The following GDA variants were observed in gnomAD, a reference collection of about 807,000 sequenced individuals.
GDA encodes the protein cytoplasmic PSD-95 interactor.
Under a neutral mutation model 59.6 loss-of-function variants are expected in GDA, and 18 were observed. That is an observed-to-expected ratio of 0.30 (90% CI 0.21 to 0.45). The LOEUF (loss-of-function observed/expected upper bound fraction) is 0.45, where lower values mean the gene tolerates loss of function less well. Ranked by LOEUF, GDA falls within the 20% of genes least tolerant of loss-of-function variation. The pLI, the probability that GDA is intolerant of heterozygous loss-of-function variation, is 1.00. For missense variants in GDA, 427 were observed against 552.3 expected (o/e 0.77, Z 2.27); for synonymous variants, 201 against 201.1 (o/e 1.00, Z 0.00).
intron 1 of GDA, among the ~76,000 whole-genome samples, chr9:72,140,106 A>C (rs1406650875): frequency 6.6e-6 from 1 of 152,190 alleles, no homozygotes; most frequent in Non-Finnish European, 1.5e-5. Flanking sequence ...CAGATGGGGC[A>C]TGAGACCCAG....
chr9:72,225,988 AGTGTGTGT>A lies in GDA; in HGVS notation c.822+224_822+231del, dbSNP rs35524358. 4.7e-5 allele frequency among the ~76,000 whole-genome samples: 7 copies of A among 148,018 alleles called. No individual in the cohort carries two copies. In the East Asian group the frequency reaches 6.0e-4, roughly 13 times the overall value. On this transcript the variant is annotated intron_variant, in intron 8 of 13. Transcript: ENST00000358399. ...CATTTCTTAAATTAGAGTAAAGCCT[AGTGTGTGT>A]GTGTGTGTGTGTGTGTGTGCGTGTG...
intron 1 of GDA, among the ~76,000 whole-genome samples, chr9:72,138,605 C>G (rs892025899): frequency 1.3e-5 from 2 of 152,222 alleles, no homozygotes; most frequent in African/African-American, 2.4e-5. Flanking sequence ...CAGATCTGCT[C>G]CTCACAGAGC....
At chr9:72,219,373 A>C in intron 5 of GDA, 106 bp from the exon 6 acceptor site, 1 of 782,178 alleles carries the variant, frequency 1.3e-6, no homozygotes, top group Non-Finnish European at 2.1e-6. Context: ...ACTTCACTCC[A>C]GCCTGGGCGA....
At chr9:72,145,186 A>G (rs1025301490), upstream of GDA, among the ~76,000 whole-genome samples, 7 of 152,074 alleles carry the variant, frequency 4.6e-5, no homozygotes, top group African/African-American at 1.7e-4. Context: ...TATTCCCTTT[A>G]GTTTTACTGC....
At chr9:72,253,010 A>G (rs1402586448), downstream of GDA, among the ~76,000 whole-genome samples, 2 of 152,216 alleles carry the variant, frequency 1.3e-5, no homozygotes, top group African/African-American at 4.8e-5. Flanking sequence ...TTTTATCAGT[A>G]TATATTTTAG....
intron 1 of GDA, among the ~76,000 whole-genome samples, chr9:72,133,308 A>AAAAAATAAT (rs767205305): frequency 3.0e-5 from 3 of 101,556 alleles, no homozygotes; most frequent in Non-Finnish European, 4.2e-5. Context: ...AAAAAAAAAA[A>AAAAAATAAT]AATAATAATA....
intron 2 of GDA, among the ~76,000 whole-genome samples, chr9:72,199,615 C>T (rs1174233969): frequency 1.3e-5 from 2 of 152,204 alleles, no homozygotes; most frequent in African/African-American, 2.4e-5. Context: ...CTTTTTAGCA[C>T]TTAGTGCAGT....
intron 1 of GDA, among the ~76,000 whole-genome samples, chr9:72,121,605 GA>G (rs1040822142): frequency 5.9e-5 from 9 of 151,914 alleles, no homozygotes; most frequent in Non-Finnish European, 1.3e-4. Context: ...CTCAAAACAA[GA>G]AAAAAAGATT....
intron 4 of GDA, among the ~76,000 whole-genome samples, chr9:72,213,507 A>G (rs1403802290): frequency 6.6e-6 from 1 of 152,038 alleles, no homozygotes; most frequent in Admixed American, 6.6e-5. Context: ...GAAAGCTTAG[A>G]AAAAGTACTG....
chr9:72,117,140 G>A (rs1437688511), intron 1 of GDA, among the ~76,000 whole-genome samples: 2 of 152,080 alleles, frequency 1.3e-5, no homozygotes, highest in African/African-American at 2.4e-5. Context: ...ATTCCATTGT[G>A]TATATGTGCC....
intron 1 of GDA, among the ~76,000 whole-genome samples, chr9:72,179,982 G>T (rs945251776): frequency 7.2e-5 from 11 of 151,824 alleles, no homozygotes; most frequent in South Asian, 2.1e-4. Context: ...CTGGCGGGGG[G>T]GGTTAGGACT....
At chr9:72,219,428 G>A in intron 5 of GDA, 51 bp from the exon 6 acceptor site, 2 of 1,359,508 alleles carry the variant, frequency 1.5e-6, no homozygotes, top group Non-Finnish European at 1.0e-6. Flanking sequence ...ATAAAGAAAA[G>A]AAAAAAAGAA....
chr9:72,149,588 C>T lies in GDA; in HGVS notation c.29C>T (p.Ala10Val). The part of the protein sequence containing the change: MCAAQMPPL[A>V]HIFRGTFVHS... ...TGTGCCGCTCAGATGCCGCCCCTGG[C>T]GCACATCTTCCGAGGGACGTTCGTC... Residue 10 changes from alanine to valine, a missense_variant, in exon 1 of 14, where the codon GCG becomes GTG. Ala to Val is a moderately conservative substitution (Grantham distance 64). Coordinates refer to ENST00000358399, the MANE Select transcript of GDA (RefSeq NM_004293.5). 1.2e-6 allele frequency: 2 copies of T among 1,611,514 alleles called. No individual in the cohort carries two copies. The highest frequency in any genetic ancestry group is 2.2e-5 in the East Asian group (1 of 44,596).
chr9:72,115,594 CAT>C (rs1825409529), intron 1 of GDA, among the ~76,000 whole-genome samples: 1 of 152,160 alleles, frequency 6.6e-6, no homozygotes, highest in Non-Finnish European at 1.5e-5. Context: ...ATCAAAGAAA[CAT>C]AATTCATTTG....
Position 72,218,133 on chromosome 9 carries a change from T to C in GDA, c.579-1346T>C, listed in dbSNP as rs544207754. The stretch of plus-strand genomic sequence containing the variant: ...TTTGCTACATTGGCCAGGCTGATCT[T>C]GAACTCCTGACCTCAAGTGAGCCGC... On this transcript the variant is annotated intron_variant, in intron 5 of 13. Transcript: ENST00000358399. Among the ~76,000 whole-genome samples, 4 of 152,268 alleles carry C rather than the reference T, an allele frequency of 2.6e-5. No individual in the cohort carries two copies. In the East Asian group the frequency reaches 5.8e-4, roughly 22 times the overall value.
rs538068446 is a variant in GDA, at chr9:72,231,728, T to C, written c.988+547T>C. ...TCTAAAAAGTCCTTGACTTTTGTTT[T>C]GTTTTGTTCTTCTGGCTAGGTTTTA... On this transcript the variant is annotated intron_variant, in intron 10 of 13. Coordinates refer to ENST00000358399, the MANE Select transcript of GDA (RefSeq NM_004293.5). Among the ~76,000 whole-genome samples the C allele has an allele frequency of 7.2e-5, 11 of 152,356 alleles. No individual in the cohort carries two copies. In the East Asian group the frequency reaches 2.1e-3, roughly 29 times the overall value.
At chr9:72,230,848 C>A (rs1838250730) in intron 9 of GDA, among the ~76,000 whole-genome samples, 1 of 151,944 alleles carries the variant, frequency 6.6e-6, no homozygotes, top group Admixed American at 6.6e-5. Context: ...ATTTTTTTCC[C>A]ATACAAACGA....
Position 72,250,565 on chromosome 9 carries a change from T to C in GDA, c.*2223T>C. On this transcript the variant is annotated 3_prime_UTR_variant, in exon 14 of 14. Transcript: ENST00000358399. Reference sequence around the variant, plus strand: ...GTGTTTTATTTCTCCAAGTGCGGTGTTCCTGAATGTTATGTATGCTTTTTT... The same window carrying C: ...GTGTTTTATTTCTCCAAGTGCGGTGCTCCTGAATGTTATGTATGCTTTTTT... The C allele has an allele frequency of 6.8e-7, 1 of 1,461,826 alleles. No homozygotes were observed. The highest frequency in any genetic ancestry group is 1.4e-5 in the South Asian group (1 of 71,560). 90.6% of individuals were successfully genotyped at this position (1,461,826 alleles called of 1,614,324 possible).
At chr9:72,259,025 T>TA (rs1840912981), downstream of GDA, among the ~76,000 whole-genome samples, 2 of 146,292 alleles carry the variant, frequency 1.4e-5, no homozygotes, top group Non-Finnish European at 3.0e-5. Flanking sequence ...AAATAATAAC[T>TA]CTTTTTTTTT....
Sources: gnomAD v4.1 joint callset for allele counts (sites outside exome capture counted in the v4.1 genomes callset) on GRCh38, gnomAD v4.1.1 for gene constraint, MANE v1.5 for transcripts, NCBI Gene and HGNC (gene_info 2026-07-23, HGNC 2026-07-21) for gene names.